The following ACSS3 variants were observed in gnomAD, a reference collection of about 807,000 sequenced individuals.
The protein encoded by ACSS3 is acyl-CoA synthetase short chain family member 3.
In ACSS3, 64 loss-of-function variants were observed where a neutral mutation model predicts 84.2. The ratio of observed to expected loss-of-function variants is 0.76; its 90% confidence interval spans 0.62 to 0.94. ACSS3 has a LOEUF of 0.94. Among genes scored for constraint, ACSS3 ranks in the 40% least tolerant of loss-of-function variants. The pLI, the probability that ACSS3 is intolerant of heterozygous loss-of-function variation, is 0.00. For synonymous variants in ACSS3, 317 were observed against 310.1 expected (o/e 1.02, Z -0.23); for missense variants, 815 against 867.6 (o/e 0.94, Z 0.76).
intron 1 of ACSS3, among the ~76,000 whole-genome samples, chr12:81,107,494 TC>T (rs1313971401): frequency 9.5e-4 from 106 of 111,290 alleles, no homozygotes; most frequent in Non-Finnish European, 1.8e-3. Context: ...GTTTTTTTTT[TC>T]AGGTACAAAT....
Position 81,259,753 on chromosome 12 carries a change from G to T in ACSS3, c.*4831G>T. 1 of 1,048,758 alleles carries T rather than the reference G, an allele frequency of 9.5e-7. No homozygotes were observed. The highest frequency in any genetic ancestry group is 1.4e-6 in the Non-Finnish European group (1 of 716,216). 65.0% of individuals were successfully genotyped at this position (1,048,758 alleles called of 1,614,324 possible). A position where few individuals can be genotyped will look rare whatever the true frequency, so the allele number is the denominator to read the frequency against. ...TCTGTGGTGTACCTCCACGCAGCCT[G>T]CTTACTCCTGTCCTAGAAGATCATG... On this transcript the variant is annotated 3_prime_UTR_variant, in exon 16 of 16. Coordinates refer to ENST00000548058, the MANE Select transcript of ACSS3 (RefSeq NM_024560.4).
chr12:81,179,307 C>CA (rs2030744166), intron 8 of ACSS3, among the ~76,000 whole-genome samples: 1 of 59,840 alleles, frequency 1.7e-5, no homozygotes, highest in Non-Finnish European at 3.8e-5. Context: ...AAAAAAAAAA[C>CA]ACAAAAAAAA....
intron 1 of ACSS3, among the ~76,000 whole-genome samples, chr12:81,098,592 ATT>A: frequency 1.3e-5 from 2 of 152,286 alleles, no homozygotes; most frequent in South Asian, 4.2e-4. Context: ...AAGTGAGTTA[ATT>A]TGTGTTAAAT....
intron 8 of ACSS3, among the ~76,000 whole-genome samples, chr12:81,191,447 A>G (rs2031564616): frequency 6.6e-6 from 1 of 152,110 alleles, no homozygotes; most frequent in African/African-American, 2.4e-5. Flanking sequence ...TGCTCGTCTC[A>G]TAAAATGGGC....
In ACSS3 at chr12:81,174,804, C is replaced by T. The variant is rs748539356; in HGVS notation, c.1115C>T (p.Thr372Ile). 3.1e-6 allele frequency: 5 copies of T among 1,613,066 alleles called. No individual in the cohort carries two copies. Among genetic ancestry groups the T allele is most frequent in the Non-Finnish European group, 2.5e-6 (3 of 1,179,354 alleles). Residue 372 changes from threonine to isoleucine, a missense_variant, in exon 8 of 16, where the codon ACA becomes ATA. Thr to Ile is a moderately conservative substitution (Grantham distance 89). Transcript: ENST00000548058. ...TCATTGTAGGGGAAGCCTGTGGGAA[C>T]ACCAGATGCTGGCGCTTATTTCCGT... ...TVLYEGKPVG[T>I]PDAGAYFRVL...
At chr12:81,247,804 T>A (rs2034031232) in intron 13 of ACSS3, among the ~76,000 whole-genome samples, 2 of 152,080 alleles carry the variant, frequency 1.3e-5, no homozygotes, top group Non-Finnish European at 2.9e-5. Context: ...CAGCTCTTAT[T>A]AAAGTGCCCA....
At chr12:81,237,013 A>G (rs2033650853) in intron 13 of ACSS3, among the ~76,000 whole-genome samples, 1 of 151,544 alleles carries the variant, frequency 6.6e-6, no homozygotes, top group African/African-American at 2.4e-5. Context: ...GGAGGGAGGC[A>G]GCCGTCCTTC....
intron 2 of ACSS3, among the ~76,000 whole-genome samples, chr12:81,119,062 G>T (rs1316348278): frequency 6.6e-6 from 1 of 152,128 alleles, no homozygotes; most frequent in Non-Finnish European, 1.5e-5. Context: ...TAAAGAGAAA[G>T]AGTACAAAGA....
chr12:81,150,474 A>T (rs972236380), intron 5 of ACSS3, among the ~76,000 whole-genome samples: 25 of 152,354 alleles, frequency 1.6e-4, no homozygotes, highest in African/African-American at 6.0e-4. Flanking sequence ...ATAGGATAGG[A>T]TACAGTGGAA....
Position 81,259,793 on chromosome 12 carries a change from T to A in ACSS3, c.*4871T>A. On this transcript the variant is annotated 3_prime_UTR_variant, in exon 16 of 16. Coordinates refer to ENST00000548058, the MANE Select transcript of ACSS3 (RefSeq NM_024560.4). ...AGAAGATCATGAGAAGGAAATCATC[T>A]AGGATGTAGCCAACAGCCGTATGTA... 1 of 679,032 alleles carries A rather than the reference T, an allele frequency of 1.5e-6. No homozygotes were observed. The highest frequency in any genetic ancestry group is 2.4e-6 in the Non-Finnish European group (1 of 422,490). The allele number at this position is 679,032 out of a possible 1,614,324, so 42.1% of individuals were successfully genotyped here. A position where few individuals can be genotyped will look rare whatever the true frequency, so the allele number is the denominator to read the frequency against.
chr12:81,185,781 A>G (rs775101286), intron 8 of ACSS3, among the ~76,000 whole-genome samples: 1 of 151,798 alleles, frequency 6.6e-6, no homozygotes, highest in African/African-American at 2.4e-5. Flanking sequence ...TATCCATACT[A>G]TCAAGAGCAA....
At chr12:81,215,646 G>A (rs2032884488) in intron 9 of ACSS3, among the ~76,000 whole-genome samples, 3 of 152,108 alleles carry the variant, frequency 2.0e-5, no homozygotes, top group Admixed American at 6.6e-5. Context: ...AATTCCTTGG[G>A]TATATGTATG....
chr12:81,242,466 C>G (rs2033839180), intron 13 of ACSS3, among the ~76,000 whole-genome samples: 1 of 150,106 alleles, frequency 6.7e-6, no homozygotes, highest in Non-Finnish European at 1.5e-5. Flanking sequence ...TGAAACTATT[C>G]CAATCAATAG....
intron 10 of ACSS3, among the ~76,000 whole-genome samples, chr12:81,217,285 C>G (rs1024470978): frequency 6.6e-6 from 1 of 152,052 alleles, no homozygotes; most frequent in Non-Finnish European, 1.5e-5. Context: ...GAGCCCAGTA[C>G]TTTATATATG....
chr12:81,246,768 GCAGAGT>G lies in ACSS3; in HGVS notation c.1720-6536_1720-6531del, dbSNP rs1255355814. 2.0e-5 allele frequency among the ~76,000 whole-genome samples: 3 copies of G among 152,260 alleles called. No individual in the cohort carries two copies. In the East Asian group the frequency reaches 5.8e-4, roughly 29 times the overall value. Reference sequence around the variant, plus strand: ...TAACAATTCACTGTGATCAGAGTATGCAGAGTCAAAGTTTTATTTCCTCTTTCTCTA... The same window carrying G: ...TAACAATTCACTGTGATCAGAGTATGCAAAGTTTTATTTCCTCTTTCTCTA... On this transcript the variant is annotated intron_variant, in intron 13 of 15. Coordinates refer to ENST00000548058, the MANE Select transcript of ACSS3 (RefSeq NM_024560.4).
chr12:81,199,629 A>G (rs763249095), intron 9 of ACSS3, 185 bp downstream of exon 9: 12 of 1,497,582 alleles, frequency 8.0e-6, no homozygotes, highest in Non-Finnish European at 2.7e-6. Flanking sequence ...TTCATAAGTG[A>G]CATTGATGCC....
intron 7 of ACSS3, among the ~76,000 whole-genome samples, chr12:81,163,758 A>C (rs1887268706): frequency 6.6e-6 from 1 of 152,204 alleles, no homozygotes; most frequent in African/African-American, 2.4e-5. Context: ...GTTTTTAAAC[A>C]AAAAAGTTTA....
At chr12:81,163,163 C>T (rs1887238457) in intron 7 of ACSS3, among the ~76,000 whole-genome samples, 1 of 152,160 alleles carries the variant, frequency 6.6e-6, no homozygotes, top group African/African-American at 2.4e-5. Context: ...ACTCTGTAGT[C>T]TTTATATTTG....
At chr12:81,235,355 T>C (rs1286034365) in intron 13 of ACSS3, among the ~76,000 whole-genome samples, 2 of 151,294 alleles carry the variant, frequency 1.3e-5, no homozygotes, top group African/African-American at 2.4e-5. Flanking sequence ...CTACATTATA[T>C]TTTTATGAAT....
Sources: allele counts gnomAD v4.1 joint callset (sites outside exome capture counted in the v4.1 genomes callset), GRCh38; gene constraint gnomAD v4.1.1; transcripts MANE v1.5; gene names NCBI Gene and HGNC (gene_info 2026-07-23, HGNC 2026-07-21).